The following MTSS1 variants were observed in gnomAD, a reference collection of about 807,000 sequenced individuals.
MTSS1 encodes MTSS I-BAR domain containing 1, also known as protein MTSS 1.
MTSS1 carries 18 observed loss-of-function variants against 79.0 expected under a neutral mutation model. The observed-to-expected ratio is 0.23, with a 90% CI of 0.16 to 0.34. The LOEUF (loss-of-function observed/expected upper bound fraction) is 0.34, where lower values mean the gene tolerates loss of function less well. Among genes scored for constraint, MTSS1 ranks in the 10% least tolerant of loss-of-function variants. The probability of loss-of-function intolerance (pLI) is 1.00; values close to 1 mark genes in which losing one functional copy is unlikely to be tolerated. For missense variants in MTSS1, 815 were observed against 986.2 expected (o/e 0.83, Z 2.33); for synonymous variants, 341 against 368.6 (o/e 0.93, Z 0.86).
intron 3 of MTSS1, among the ~76,000 whole-genome samples, chr8:124,647,433 A>T (rs979917877): frequency 6.6e-6 from 1 of 152,218 alleles, no homozygotes; most frequent in Non-Finnish European, 1.5e-5. Context: ...AAAACGACTA[A>T]GATATTTTTT....
rs185391505 is a variant in MTSS1, at chr8:124,555,541, C to T, written c.1567+201G>A. On this transcript the variant is annotated intron_variant, in intron 13 of 13. Coordinates refer to ENST00000518547, the MANE Select transcript of MTSS1 (RefSeq NM_014751.6). ...GATTACAGGCGTGAGCCACTGCGCC[C>T]GACCCCAGATCCCTTTCTTATATGG... Among the ~76,000 whole-genome samples, 15 of 152,310 alleles carry T rather than the reference C, an allele frequency of 9.8e-5. No homozygotes were observed. In the East Asian group the frequency reaches 1.7e-3, roughly 18 times the overall value.
At chr8:124,558,286 C>T (rs774630546) in intron 10 of MTSS1, among the ~76,000 whole-genome samples, 16 of 148,056 alleles carry the variant, frequency 1.1e-4, no homozygotes, top group Non-Finnish European at 2.2e-4. Context: ...TTTCCAAAAT[C>T]ATCGCATTGC....
intron 3 of MTSS1, among the ~76,000 whole-genome samples, chr8:124,617,695 C>T (rs952473561): frequency 6.6e-6 from 1 of 152,126 alleles, no homozygotes; most frequent in African/African-American, 2.4e-5. Context: ...CCTGATCATG[C>T]CACTCAAAAT....
Position 124,601,963 on chromosome 8 carries a change from TTCTAATAAGAGAAGAGGAA to T in MTSS1, c.209-10747_209-10729del, listed in dbSNP as rs1833901261. Among the ~76,000 whole-genome samples the T allele has an allele frequency of 2.0e-5, 3 of 151,986 alleles. 1 individual carries two copies. Among genetic ancestry groups the T allele is most frequent in the Admixed American group, 2.0e-4 (3 of 15,270 alleles). On this transcript the variant is annotated intron_variant, in intron 3 of 13. Coordinates refer to ENST00000518547, the MANE Select transcript of MTSS1 (RefSeq NM_014751.6). ...AATGGCATCAGAGTGTGAACCTGAA[TTCTAATAAGAGAAGAGGAA>T]GCTCAATTCTTAGGCCTGGAAAAGT...
intron 3 of MTSS1, among the ~76,000 whole-genome samples, chr8:124,601,800 C>T (rs1023069336): frequency 6.6e-6 from 1 of 152,246 alleles, no homozygotes; most frequent in Admixed American, 6.5e-5. Context: ...TCTGCACACA[C>T]GCACACACGA....
intron 1 of MTSS1, among the ~76,000 whole-genome samples, chr8:124,711,022 A>C (rs1004097072): frequency 2.6e-5 from 4 of 152,224 alleles, no homozygotes; most frequent in Non-Finnish European, 5.9e-5. Context: ...TCTGGCTGAG[A>C]AATCAAGCCG....
chr8:124,622,058 GAA>G (rs1284375674), intron 3 of MTSS1, among the ~76,000 whole-genome samples: 1 of 97,880 alleles, frequency 1.0e-5, no homozygotes, highest in Non-Finnish European at 1.8e-5. Flanking sequence ...GACAGAAAGA[GAA>G]AGAGAGAGAG....
intron 1 of MTSS1, among the ~76,000 whole-genome samples, chr8:124,714,202 G>A (rs1048612796): frequency 5.9e-5 from 9 of 152,302 alleles, no homozygotes; most frequent in Middle Eastern, 3.4e-3. Context: ...CTAAACTGAC[G>A]TCATGATGGG....
intron 3 of MTSS1, among the ~76,000 whole-genome samples, chr8:124,680,080 C>A (rs1263879918): frequency 6.6e-6 from 1 of 152,016 alleles, no homozygotes; most frequent in Non-Finnish European, 1.5e-5. Flanking sequence ...ATGTATTAAA[C>A]CCTTGGAAAC....
At chr8:124,624,905 C>T (rs1344953069) in intron 3 of MTSS1, among the ~76,000 whole-genome samples, 2 of 152,194 alleles carry the variant, frequency 1.3e-5, no homozygotes, top group Non-Finnish European at 2.9e-5. Context: ...CTGGAAATTT[C>T]CTGACACCCA....
intron 1 of MTSS1, among the ~76,000 whole-genome samples, chr8:124,710,234 C>T (rs114184975): frequency 1.4e-3 from 209 of 152,306 alleles, no homozygotes; most frequent in African/African-American, 4.8e-3. Flanking sequence ...TGAGGAAGAC[C>T]GGGGTGGCCT....
At chr8:124,694,293 G>C (rs548533043) in intron 3 of MTSS1, among the ~76,000 whole-genome samples, 1 of 151,944 alleles carries the variant, frequency 6.6e-6, no homozygotes, top group African/African-American at 2.4e-5. Context: ...GTGTCAGCAA[G>C]GGCCTTTGAA....
intron 3 of MTSS1, among the ~76,000 whole-genome samples, chr8:124,674,595 C>T (rs976991460): frequency 6.6e-6 from 1 of 152,142 alleles, no homozygotes; most frequent in Non-Finnish European, 1.5e-5. Flanking sequence ...CCGCCCCCCT[C>T]GGCCTCCCAA....
intron 3 of MTSS1, among the ~76,000 whole-genome samples, chr8:124,678,364 G>C (rs755475297): frequency 2.0e-5 from 3 of 152,162 alleles, no homozygotes; most frequent in African/African-American, 4.8e-5. Context: ...CCACTTGAGT[G>C]CAGGGTCTGT....
At chr8:124,616,945 C>G (rs1362742278) in intron 3 of MTSS1, among the ~76,000 whole-genome samples, 2 of 152,206 alleles carry the variant, frequency 1.3e-5, no homozygotes, top group Non-Finnish European at 2.9e-5. Context: ...ACTGGCATTT[C>G]ATCTAGAGAC....
chr8:124,654,240 A>C (rs16899928), intron 3 of MTSS1, among the ~76,000 whole-genome samples: 14,132 of 152,130 alleles, frequency 0.093, 741 homozygotes, highest in African/African-American at 0.14. Flanking sequence ...AGGTTAGAAT[A>C]TTTGCTAAAT....
chr8:124,554,721 C>T (rs924410891), intron 13 of MTSS1, among the ~76,000 whole-genome samples: 6 of 152,224 alleles, frequency 3.9e-5, no homozygotes, highest in African/African-American at 4.8e-5. Context: ...TGAATATGAG[C>T]GAGTTATTGA....
At chr8:124,686,125 T>C (rs1011432923) in intron 3 of MTSS1, among the ~76,000 whole-genome samples, 4 of 152,138 alleles carry the variant, frequency 2.6e-5, no homozygotes, top group Non-Finnish European at 5.9e-5. Flanking sequence ...TGTCATCTCA[T>C]AGACAACGAA....
chr8:124,568,823 A>C, intron 6 of MTSS1: 1 of 1,436,334 alleles, frequency 7.0e-7, no homozygotes, highest in East Asian at 2.5e-5. Flanking sequence ...ACCCCCACCA[A>C]CTCTTCTGCC....
Sources: allele counts gnomAD v4.1 joint callset (sites outside exome capture counted in the v4.1 genomes callset), GRCh38; gene constraint gnomAD v4.1.1; transcripts MANE v1.5; gene names NCBI Gene and HGNC (gene_info 2026-07-23, HGNC 2026-07-21).